The following TSC22D1 variants were observed in gnomAD, a reference collection of about 807,000 sequenced individuals.
TSC22D1 encodes the protein TSC22 domain family member 1, also known as TSC22 domain family protein 1.
TSC22D1 carries 9 observed loss-of-function variants against 74.2 expected under a neutral mutation model. The ratio of observed to expected loss-of-function variants is 0.12; its 90% CI spans 0.07 to 0.21. TSC22D1 has a LOEUF of 0.21. Ranked by LOEUF, TSC22D1 falls within the 10% of genes least tolerant of loss-of-function variation. The pLI, the probability that TSC22D1 is intolerant of heterozygous loss-of-function variation, is 1.00. For missense variants in TSC22D1, 1,427 were observed against 1,304.7 expected, an observed-to-expected ratio of 1.09 and a Z score of -1.44; for synonymous variants, 586 against 492.5, an observed-to-expected ratio of 1.19 and a Z score of -2.51.
At chr13:44,540,483 A>G (rs1192578110) in intron 1 of TSC22D1, among the ~76,000 whole-genome samples, 1 of 152,206 alleles carries the variant, frequency 6.6e-6, no homozygotes, top group Admixed American at 6.5e-5. Context: ...AGCTAAGCCT[A>G]TATTTTATGA....
intron 1 of TSC22D1, among the ~76,000 whole-genome samples, chr13:44,441,898 T>TG (rs1366757510): frequency 6.6e-6 from 1 of 152,036 alleles, no homozygotes; most frequent in African/African-American, 2.4e-5. Flanking sequence ...TACCCGAGGC[T>TG]GGGGAAAGAA....
At chr13:44,523,586 A>G (rs1397642684) in intron 1 of TSC22D1, among the ~76,000 whole-genome samples, 1 of 152,178 alleles carries the variant, frequency 6.6e-6, no homozygotes. Flanking sequence ...GACAGATAGT[A>G]AGATCTGTGG....
intron 2 of TSC22D1, chr13:44,435,220 GT>G (rs1256737123): frequency 4.7e-6 from 1 of 212,786 alleles, no homozygotes; most frequent in Non-Finnish European, 9.2e-6. Flanking sequence ...CGCCCACCGC[GT>G]CCCCGCCCCC....
chr13:44,556,413 G>A (rs1019154265), intron 1 of TSC22D1, among the ~76,000 whole-genome samples: 17 of 151,936 alleles, frequency 1.1e-4, no homozygotes, highest in Non-Finnish European at 2.2e-4. Context: ...GGGCGCAGTG[G>A]TGCACGCCTG....
At chr13:44,484,765 C>A (rs940343375) in intron 1 of TSC22D1, among the ~76,000 whole-genome samples, 1 of 152,186 alleles carries the variant, frequency 6.6e-6, no homozygotes, top group Non-Finnish European at 1.5e-5. Flanking sequence ...CTCTTTCCCA[C>A]ATCGAACCTC....
intron 1 of TSC22D1, among the ~76,000 whole-genome samples, chr13:44,545,055 G>A (rs1054459326): frequency 4.4e-4 from 67 of 152,282 alleles, no homozygotes; most frequent in South Asian, 2.1e-4. Flanking sequence ...ATTAAATTTG[G>A]CAGGGCACAG....
At chr13:44,527,459 T>C (rs1880601760) in intron 1 of TSC22D1, among the ~76,000 whole-genome samples, 2 of 152,156 alleles carry the variant, frequency 1.3e-5, no homozygotes, top group Admixed American at 6.5e-5. Flanking sequence ...TTAATGTTAA[T>C]TGAAGGTGGA....
At chr13:44,437,229 G>T (rs532756138) in intron 1 of TSC22D1, 1 of 985,402 alleles carries the variant, frequency 1.0e-6, no homozygotes, top group African/African-American at 1.7e-5. Flanking sequence ...GCTGCTTAAC[G>T]GCGAAAGCTT....
intron 1 of TSC22D1, among the ~76,000 whole-genome samples, chr13:44,500,746 G>A (rs1394476765): frequency 5.3e-5 from 8 of 152,108 alleles, no homozygotes; most frequent in Admixed American, 1.3e-4. Context: ...GTGCAGTGGC[G>A]CAATCATAGC....
intron 1 of TSC22D1, among the ~76,000 whole-genome samples, chr13:44,455,008 T>C (rs1876463621): frequency 6.6e-6 from 1 of 152,132 alleles, no homozygotes; most frequent in South Asian, 2.1e-4. Context: ...GGATTCAGTA[T>C]GAACAAAATG....
chr13:44,537,245 T>C, intron 1 of TSC22D1: 3 of 926,734 alleles, frequency 3.2e-6, no homozygotes, highest in Non-Finnish European at 3.9e-6. Context: ...TGACATAAAA[T>C]ATAAAAAAAC....
intron 1 of TSC22D1, among the ~76,000 whole-genome samples, chr13:44,484,927 C>A (rs1878356152): frequency 1.3e-5 from 2 of 152,130 alleles, no homozygotes; most frequent in African/African-American, 4.8e-5. Flanking sequence ...TACTATAACT[C>A]AGGAAGTCAC....
chr13:44,516,368 T>C lies in TSC22D1; in HGVS notation c.2912+56795A>G, dbSNP rs753308972. ...CCTGCTTTTTAAAAACAAATTCTCT[T>C]AATAGTCTTTTTAAAATCTCTTAAT... On this transcript the variant is annotated intron_variant, in intron 1 of 2. Transcript: ENST00000458659. 6 of 452,642 alleles carry C rather than the reference T, an allele frequency of 1.3e-5. No homozygotes were observed. The East Asian group carries it at 2.9e-4, about 22-fold the overall frequency. The allele number at this position is 452,642 out of a possible 1,614,324, so 28.0% of individuals were successfully genotyped here. A position where few individuals can be genotyped will look rare whatever the true frequency, so the allele number is the denominator to read the frequency against.
At chr13:44,469,362 CT>C (rs1265621614) in intron 1 of TSC22D1, among the ~76,000 whole-genome samples, 5 of 152,302 alleles carry the variant, frequency 3.3e-5, no homozygotes, top group Non-Finnish European at 7.4e-5. Flanking sequence ...TGGGCTAATT[CT>C]TTAAATCCGT....
intron 1 of TSC22D1, among the ~76,000 whole-genome samples, chr13:44,475,167 T>G (rs1419156483): frequency 6.6e-6 from 1 of 151,932 alleles, no homozygotes. Context: ...AATTAGTAAG[T>G]AAATATACAA....
chr13:44,536,660 TA>T, intron 1 of TSC22D1: 1 of 867,018 alleles, frequency 1.2e-6, no homozygotes, highest in Non-Finnish European at 1.4e-6. Context: ...TGCTATTCTG[TA>T]AGAGTTATAT....
At chr13:44,561,548 G>A (rs576810673) in intron 1 of TSC22D1, among the ~76,000 whole-genome samples, 1 of 152,078 alleles carries the variant, frequency 6.6e-6, no homozygotes, top group East Asian at 1.9e-4. Flanking sequence ...TATAAACATC[G>A]GTGTACTTTG....
rs1339079642 is a variant in TSC22D1 at position 44,434,187 on chromosome 13, G to A, written c.*439C>T. ...TTTAGTCTTTTTACCCTCCTTTCAAGTTCCTCCTGGGGGGAGGAGAGGAGA... is the reference window on the plus strand; with the variant it reads ...TTTAGTCTTTTTACCCTCCTTTCAAATTCCTCCTGGGGGGAGGAGAGGAGA... On this transcript the variant is annotated 3_prime_UTR_variant, in exon 3 of 3. Transcript: ENST00000458659. 2 of 1,465,124 alleles carry A rather than the reference G, an allele frequency of 1.4e-6. No individual in the cohort carries two copies. The highest frequency in any genetic ancestry group is 3.0e-5 in the Admixed American group (1 of 33,090). 90.8% of individuals were successfully genotyped at this position (1,465,124 alleles called of 1,614,324 possible).
At chr13:44,559,763 T>G (rs967780346) in intron 1 of TSC22D1, among the ~76,000 whole-genome samples, 2 of 151,520 alleles carry the variant, frequency 1.3e-5, no homozygotes, top group Non-Finnish European at 2.9e-5. Context: ...TGATCTCAGC[T>G]CACTGCAACC....
Sources: allele counts gnomAD v4.1 joint callset (sites outside exome capture counted in the v4.1 genomes callset), GRCh38; gene constraint gnomAD v4.1.1; transcripts MANE v1.5; gene names NCBI Gene and HGNC (gene_info 2026-07-23, HGNC 2026-07-21).